The following ANO9 variants were observed in gnomAD, a reference collection of about 807,000 sequenced individuals.
ANO9 encodes anoctamin 9.
A neutral mutation model predicts 100.5 loss-of-function variants in ANO9; 80 were observed. That is an observed-to-expected ratio of 0.80 (90% CI 0.66 to 0.96). The LOEUF (loss-of-function observed/expected upper bound fraction) is 0.96, where lower values mean the gene tolerates loss of function less well. ANO9 is among the 40% of genes least tolerant of loss of function. The pLI is 0.00. For missense variants in ANO9, 1,064 were observed against 1,072.7 expected, an observed-to-expected ratio of 0.99 and a Z score of 0.11; for synonymous variants, 473 against 435.6, an observed-to-expected ratio of 1.09 and a Z score of -1.07.
At chr11:431,665 G>C (rs370202447) in intron 7 of ANO9, 29 bp downstream of exon 7, 36 of 1,610,030 alleles carry the variant, frequency 2.2e-5, no homozygotes, top group Non-Finnish European at 3.0e-5. Flanking sequence ...CGTCCGCGGG[G>C]TTCCTGTGCT....
chr11:441,322 T>C (rs1845854277), intron 1 of ANO9, among the ~76,000 whole-genome samples: 1 of 152,162 alleles, frequency 6.6e-6, no homozygotes, highest in African/African-American at 2.4e-5. Context: ...CGTGTTCACC[T>C]GCACTCCCTC....
chr11:428,316 T>C (rs1433313595), intron 14 of ANO9, 42 bp downstream of exon 14: 1 of 1,610,954 alleles, frequency 6.2e-7, no homozygotes, highest in Non-Finnish European at 8.5e-7. Context: ...CCCTGAGTCC[T>C]CCCGCCGGGT....
In ANO9 at chr11:428,120, C is replaced by A; in HGVS notation, c.1302G>T (p.Ser434=). The A allele has an allele frequency of 6.2e-7, 1 of 1,610,340 alleles. No homozygotes were observed. The highest frequency in any genetic ancestry group is 8.5e-7 in the Non-Finnish European group (1 of 1,179,430). The change falls in exon 15 of 23, where the codon TCG becomes TCT. Residue 434 remains serine (S), a synonymous_variant. Coordinates refer to ENST00000332826, the MANE Select transcript of ANO9 (RefSeq NM_001012302.3). ...FFTLQFFTHF[S]SLIYIAFILG... ...GGATGAAGGCGATGTAGATGAGAGA[C>A]GAGAAATGGGTGAAGAACTGCAGTG...
intron 7 of ANO9, 32 bp downstream of exon 7, chr11:431,662 G>T: frequency 6.2e-7 from 1 of 1,609,550 alleles, no homozygotes; most frequent in Non-Finnish European, 8.5e-7. Context: ...GGCCGTCCGC[G>T]GGGTTCCTGT....
At chr11:423,767 G>C (rs904901476) in intron 15 of ANO9, among the ~76,000 whole-genome samples, 16 of 152,146 alleles carry the variant, frequency 1.1e-4, no homozygotes, top group African/African-American at 3.9e-4. Flanking sequence ...CCAGCCTCAA[G>C]TAATCCTCCT....
chr11:439,907 G>A (rs569441661), intron 1 of ANO9, among the ~76,000 whole-genome samples: 27 of 152,308 alleles, frequency 1.8e-4, no homozygotes, highest in African/African-American at 4.3e-4. Flanking sequence ...AGACACTGAC[G>A]GAGCGACCTG....
chr11:420,179 G>C, intron 19 of ANO9: 1 of 1,385,676 alleles, frequency 7.2e-7, no homozygotes, highest in African/African-American at 1.5e-5. Context: ...CTCTGTTCCA[G>C]CCCCAGCCAC....
chr11:420,342 G>A, intron 19 of ANO9, 121 bp downstream of exon 19: 1 of 1,491,790 alleles, frequency 6.7e-7, no homozygotes, highest in Non-Finnish European at 8.9e-7. Context: ...AAGGGCTGGG[G>A]GCTGTCTGCG....
chr11:420,447 GC>G lies in ANO9; in HGVS notation c.1786+15del. On this transcript the variant is annotated intron_variant, in intron 19 of 22. Transcript: ENST00000332826. ...GCCGCCCAGTTCCCGCCCATCCTGC[GC>G]CCGCCCGGTCTGACCGATGTCCTTG... is the stretch of plus-strand genomic sequence containing the variant. 6.3e-7 allele frequency: 1 copy of G among 1,598,684 alleles called. No individual in the cohort carries two copies. Among genetic ancestry groups the G allele is most frequent in the Middle Eastern group, 1.7e-4 (1 of 6,034 alleles).
rs773663904 is a variant in ANO9 at position 420,575 on chromosome 11, G to A, written c.1674C>T (p.Phe558=). Residue 558 remains phenylalanine, a synonymous_variant, in exon 19 of 23, where the codon TTC becomes TTT. Transcript: ENST00000332826. ...YGFTTIFVAA[F]PLAPLLALFS... is the part of the protein sequence containing the mutation. The stretch of plus-strand genomic sequence containing the variant: ...AGAGCGCGAGCAGCGGCGCCAGCGG[G>A]AAGGCGGCCACGAAGATGGTGGTGA... 2 of 1,605,330 alleles carry A rather than the reference G, an allele frequency of 1.2e-6. No homozygotes were observed. Among genetic ancestry groups the A allele is most frequent in the Non-Finnish European group, 1.7e-6 (2 of 1,179,552 alleles).
In ANO9 at chr11:429,862, G is replaced by C. The variant is rs753912394; in HGVS notation, c.772-44C>G. ...GGCCGGAGAGGAGGTGGGTGAGCTG[G>C]GGAGGGGGGCAGGTGAGCCAGGGAG... is the stretch of plus-strand genomic sequence containing the variant. On this transcript the variant is annotated intron_variant, in intron 9 of 22. Coordinates refer to ENST00000332826, the MANE Select transcript of ANO9 (RefSeq NM_001012302.3). The C allele has an allele frequency of 1.1e-5, 17 of 1,535,800 alleles. No homozygotes were observed. In the Admixed American group the frequency reaches 3.2e-4, roughly 29 times the overall value.
In ANO9 at chr11:428,960, ACG is replaced by A. The variant is rs1848699625; in HGVS notation, c.916-136_916-135del. Reference sequence around the variant, plus strand: ...ACACATGGGGAGACAGACACGGGACACGCACCCCACACGTGGGGAGACAGACA... The same window carrying A: ...ACACATGGGGAGACAGACACGGGACACACCCCACACGTGGGGAGACAGACA... On this transcript the variant is annotated intron_variant, in intron 11 of 22. Transcript: ENST00000332826. The A allele has an allele frequency of 1.4e-5, 11 of 797,020 alleles. 1 individual carries two copies. In the African/African-American group the frequency reaches 2.0e-4, roughly 15 times the overall value. The allele number at this position is 797,020 out of a possible 1,614,324, so 49.4% of individuals were successfully genotyped here.
At position 419,668 on chromosome 11, in the gene ANO9, G is replaced by A. The variant is rs1848055738; in HGVS notation, c.1848C>T (p.Val616=). Residue 616 remains valine, a synonymous_variant, in exon 20 of 23, where the codon GTC becomes GTT. Coordinates refer to ENST00000332826, the MANE Select transcript of ANO9 (RefSeq NM_001012302.3). ...GGATGAACTCAGATGTGAAGGCAAT[G>A]ACCATCCCATTGGCAATGACCGCCA... The part of the protein sequence containing the change: ...GVLAVIANGM[V]IAFTSEFIPR... 1 of 1,612,756 alleles carries A rather than the reference G, an allele frequency of 6.2e-7. No homozygotes were observed. The highest frequency in any genetic ancestry group is 8.5e-7 in the Non-Finnish European group (1 of 1,179,832).
chr11:429,499 C>T, intron 11 of ANO9, 71 bp downstream of exon 11: 16 of 1,580,076 alleles, frequency 1.0e-5, no homozygotes, highest in Non-Finnish European at 1.2e-5. Flanking sequence ...CATATGTGGG[C>T]CGTGCAGGGC....
chr11:441,799 AC>A (rs1337136119), intron 1 of ANO9, 121 bp downstream of exon 1: 41 of 1,361,898 alleles, frequency 3.0e-5, no homozygotes, highest in Admixed American at 5.2e-5. Context: ...GCCTGCAGGG[AC>A]CCCCCCCACA....
intron 20 of ANO9, chr11:419,245 G>A: frequency 1.4e-6 from 2 of 1,423,410 alleles, no homozygotes; most frequent in Non-Finnish European, 1.8e-6. Context: ...TCTGCAGTTT[G>A]GTGGCTCCTC....
At chr11:436,154 A>G (rs7950587) in intron 1 of ANO9, among the ~76,000 whole-genome samples, 127,578 of 148,588 alleles carry the variant, frequency 0.86, 55,077 homozygotes, top group East Asian at 1. Flanking sequence ...TGTAACCTCC[A>G]CCTCCCAGGT....
chr11:421,001 C>G lies in ANO9; in HGVS notation c.1434G>C (p.Met478Ile). The change falls in exon 17 of 23, where the codon ATG (methionine) becomes ATC (isoleucine). Residue 478 changes from methionine (M) to isoleucine (I), a missense_variant. Physicochemically the swap from Met to Ile is conservative, Grantham distance 10. Transcript: ENST00000332826. This position sits in a 1 kb window ranked among gnomAD's most constrained non-coding sequence, Gnocchi z 6.8. ...TCTGCTTCAGGCCCATGATGATGGCCATCTGCACGAAGAGGTCCATCATGC... is the reference window on the plus strand; with the variant it reads ...TCTGCTTCAGGCCCATGATGATGGCGATCTGCACGAAGAGGTCCATCATGC... The part of the protein sequence containing the change: ...SGCMMDLFVQ[M>I]AIIMGLKQTL... 6.2e-7 allele frequency: 1 copy of G among 1,606,778 alleles called. No homozygotes were observed. The highest frequency in any genetic ancestry group is 2.2e-5 in the East Asian group (1 of 44,646).
chr11:422,149 C>G lies in ANO9; in HGVS notation c.1335-951G>C, dbSNP rs1848235865. Among the ~76,000 whole-genome samples the G allele has an allele frequency of 6.6e-6, 1 of 152,178 alleles. No homozygotes were observed. Among genetic ancestry groups the G allele is most frequent in the Non-Finnish European group, 1.5e-5 (1 of 68,038 alleles). ...AGAAAGTATCGGTCACCCGCAGACACCAGCACAAGTTATACCATAACGAGA... is the reference window on the plus strand; with the variant it reads ...AGAAAGTATCGGTCACCCGCAGACAGCAGCACAAGTTATACCATAACGAGA... On this transcript the variant is annotated intron_variant, in intron 15 of 22. Transcript: ENST00000332826. This position sits in a 1 kb window ranked among gnomAD's most constrained non-coding sequence, Gnocchi z 4.3.
Sources: allele counts gnomAD v4.1 joint callset (sites outside exome capture counted in the v4.1 genomes callset), GRCh38; gene constraint gnomAD v4.1.1; non-coding constraint Gnocchi (gnomAD v3.1); transcripts MANE v1.5; gene names NCBI Gene and HGNC (gene_info 2026-07-23, HGNC 2026-07-21).